The following DHRS9 variants were observed in gnomAD, a reference collection of about 807,000 sequenced individuals.
DHRS9 encodes the protein dehydrogenase/reductase SDR family member 9.
Under a neutral mutation model 26.6 loss-of-function variants are expected in DHRS9, and 18 were observed. The ratio of observed to expected loss-of-function variants is 0.68; its 90% CI spans 0.47 to 1.00. The LOEUF (loss-of-function observed/expected upper bound fraction) is 1.00. Ranked by LOEUF, DHRS9 falls within the 50% of genes least tolerant of loss-of-function variation. The pLI is 0.00. For missense variants in DHRS9, 425 were observed against 378.7 expected (o/e 1.12, Z -1.01); for synonymous variants, 134 against 141.1 (o/e 0.95, Z 0.36).
intron 3 of DHRS9, among the ~76,000 whole-genome samples, chr2:169,084,721 C>G (rs1331030555): frequency 6.6e-6 from 1 of 152,054 alleles, no homozygotes; most frequent in African/African-American, 2.4e-5. Flanking sequence ...CTTATATATT[C>G]TGATTTTTAA....
In DHRS9 at chr2:169,083,412, C is replaced by G; in HGVS notation, c.397C>G (p.Pro133Ala). 6.2e-7 allele frequency: 1 copy of G among 1,614,092 alleles called. No homozygotes were observed. Among genetic ancestry groups the G allele is most frequent in the South Asian group, 1.1e-5 (1 of 91,076 alleles). The change falls in exon 3 of 5, where the codon CCT becomes GCT. Residue 133 changes from proline to alanine, a missense_variant. Pro to Ala is a conservative substitution (Grantham distance 27). Transcript: ENST00000674881. ...GCTGACACTAGAGGACTACAGAGAACCTATTGAAGTGAACCTGTTTGGACT... is the reference window on the plus strand; with the variant it reads ...GCTGACACTAGAGGACTACAGAGAAGCTATTGAAGTGAACCTGTTTGGACT... ...DWLTLEDYREPIEVNLFGLIS... is the reference protein window; with the variant it reads ...DWLTLEDYREAIEVNLFGLIS...
chr2:169,091,711 G>A (rs531333026), intron 3 of DHRS9, 79 bp from the exon 4 acceptor site: 48 of 1,410,244 alleles, frequency 3.4e-5, no homozygotes, highest in African/African-American at 2.9e-4. Flanking sequence ...GAAAAGATTC[G>A]TGAGAAAATA....
rs12466170 is a variant in DHRS9 at position 169,094,625 on chromosome 2, T to A, written c.737-919T>A. On this transcript the variant is annotated intron_variant, in intron 4 of 4. Transcript: ENST00000674881. ...TGAACTCCCTGGGATCAAGTGATCT[T>A]CCCACCTCAGCCTCCCAAAGTGCTG... is the stretch of plus-strand genomic sequence containing the variant. Among the ~76,000 whole-genome samples, 1,276 of 151,960 alleles carry A rather than the reference T, an allele frequency of 8.4e-3. 46 individuals carry two copies. The East Asian group carries it at 0.13, about 15-fold the overall frequency.
chr2:169,070,408 T>A, intron 1 of DHRS9: 1 of 985,432 alleles, frequency 1.0e-6, no homozygotes, highest in Non-Finnish European at 1.2e-6. Flanking sequence ...TGTGCTTCAA[T>A]AAATACATTT....
chr2:169,093,767 T>A (rs987887038), intron 4 of DHRS9, among the ~76,000 whole-genome samples: 8 of 152,136 alleles, frequency 5.3e-5, no homozygotes, highest in Non-Finnish European at 1.0e-4. Context: ...AAAGTCACGG[T>A]CCCAAAGTAG....
In DHRS9 at chr2:169,075,637, A is replaced by G. The variant is rs142905154; in HGVS notation, c.-59-5886A>G. Among the ~76,000 whole-genome samples the G allele has an allele frequency of 1.4e-3, 212 of 152,190 alleles. 1 individual carries two copies. The highest frequency in any genetic ancestry group is 4.9e-3 in the African/African-American group (202 of 41,536). On this transcript the variant is annotated intron_variant, in intron 1 of 4. Coordinates refer to ENST00000674881, the MANE Select transcript of DHRS9 (RefSeq NM_001376924.1). ...ATTTTGATCCAGGATCACATATTGC[A>G]TTTGGTTGTTGTATCTCGTTGGTCT...
chr2:169,067,383 T>G, upstream of DHRS9: 1 of 1,420,748 alleles, frequency 7.0e-7, no homozygotes, highest in Non-Finnish European at 9.3e-7. Context: ...GCCTCAGATC[T>G]GAGTTTCCTC....
chr2:169,079,894 A>AGAGAGAGAGAGAGG (rs1558951396), intron 1 of DHRS9, among the ~76,000 whole-genome samples: 2 of 86,332 alleles, frequency 2.3e-5, no homozygotes, highest in East Asian at 4.5e-4. Flanking sequence ...AGAGAGAGAG[A>AGAGAGAGAGAGAGG]GAGGGAGGGA....
chr2:169,083,671 C>T lies in DHRS9; in HGVS notation c.572+84C>T. On this transcript the variant is annotated intron_variant, in intron 3 of 4. Transcript: ENST00000674881. The stretch of plus-strand genomic sequence containing the variant: ...TATGTACAAGACATCCTATTTAGTA[C>T]CTTTCAAAAAGTCTACCATATTTAT... 1.4e-6 allele frequency: 2 copies of T among 1,474,042 alleles called. 1 individual carries two copies. The highest frequency in any genetic ancestry group is 4.3e-5 in the Admixed American group (2 of 46,690). The allele number at this position is 1,474,042 out of a possible 1,614,324, so 91.3% of individuals were successfully genotyped here. A position where few individuals can be genotyped will look rare whatever the true frequency, so the allele number is the denominator to read the frequency against.
intron 3 of DHRS9, 83 bp downstream of exon 3, chr2:169,083,670 A>G: frequency 6.7e-7 from 1 of 1,483,072 alleles, no homozygotes; most frequent in Non-Finnish European, 9.0e-7. Context: ...CCTATTTAGT[A>G]CCTTTCAAAA....
chr2:169,088,191 G>A (rs191601422), intron 3 of DHRS9, among the ~76,000 whole-genome samples: 30 of 152,306 alleles, frequency 2.0e-4, no homozygotes, highest in African/African-American at 6.7e-4. Flanking sequence ...TTCCTCCTCC[G>A]GCTAGGGCTG....
chr2:169,083,691 A>C, intron 3 of DHRS9, 104 bp downstream of exon 3: 1 of 1,359,684 alleles, frequency 7.4e-7, no homozygotes, highest in South Asian at 1.5e-5. Context: ...AGTCTACCAT[A>C]TTTATCTCTA....
chr2:169,095,520 A>T, intron 4 of DHRS9, 24 bp from the exon 5 acceptor site: 1 of 1,584,294 alleles, frequency 6.3e-7, no homozygotes, highest in Non-Finnish European at 8.7e-7. Context: ...ACCAAAGAGT[A>T]AATGTACTTT....
intron 1 of DHRS9, among the ~76,000 whole-genome samples, chr2:169,079,976 AGAGAGAG>A (rs1684118168): frequency 1.7e-5 from 2 of 116,422 alleles, no homozygotes; most frequent in Admixed American, 1.9e-4. Flanking sequence ...AGAGAGAGAG[AGAGAGAG>A]AGAAAGAAAG....
At chr2:169,088,944 C>T (rs1684435735) in intron 3 of DHRS9, among the ~76,000 whole-genome samples, 1 of 152,184 alleles carries the variant, frequency 6.6e-6, no homozygotes, top group East Asian at 1.9e-4. Context: ...GCTGTCCAAG[C>T]TTTATAGCTT....
upstream of DHRS9, chr2:169,067,267 A>G (rs963002494): frequency 2.0e-6 from 3 of 1,535,202 alleles, no homozygotes; most frequent in African/African-American, 4.1e-5. Flanking sequence ...TGCACACTGG[A>G]GTAAGTGCTT....
Position 169,081,759 on chromosome 2 carries a change from T to G in DHRS9, c.178T>G (p.Cys60Gly), listed in dbSNP as rs1446684487. 6.2e-7 allele frequency: 1 copy of G among 1,614,196 alleles called. No individual in the cohort carries two copies. The highest frequency in any genetic ancestry group is 1.3e-5 in the African/African-American group (1 of 75,054). ...AAAGGGATTTCATGTAATCGCTGCC[T>G]GTCTGACTGAATCAGGATCAACAGC... Reference protein sequence around the residue: ...DKKGFHVIAACLTESGSTALK... With the variant: ...DKKGFHVIAAGLTESGSTALK... Residue 60 changes from cysteine to glycine, a missense_variant, in exon 2 of 5, where the codon TGT (cysteine) becomes GGT (glycine). Coordinates refer to ENST00000674881, the MANE Select transcript of DHRS9 (RefSeq NM_001376924.1).
chr2:169,072,069 AG>A (rs1309479957), intron 1 of DHRS9, among the ~76,000 whole-genome samples: 1 of 151,846 alleles, frequency 6.6e-6, no homozygotes, highest in African/African-American at 2.4e-5. Context: ...TTCAATGAAA[AG>A]GAAAAAATGA....
Position 169,095,602 on chromosome 2 carries a change from A to G in DHRS9, c.795A>G (p.Val265=), listed in dbSNP as rs375702402. The G allele has an allele frequency of 2.5e-4, 408 of 1,613,846 alleles. No individual in the cohort carries two copies. The highest frequency in any genetic ancestry group is 3.4e-4 in the Non-Finnish European group (398 of 1,179,912). The change falls in exon 5 of 5, where the codon GTA becomes GTG. Residue 265 remains valine (V), a synonymous_variant. Coordinates refer to ENST00000674881, the MANE Select transcript of DHRS9 (RefSeq NM_001376924.1). Reference sequence around the variant, plus strand: ...TGAACATGGACCTCTCTCCGGTGGTAGAGTGCATGGACCACGCTCTAACAA... The same window carrying G: ...TGAACATGGACCTCTCTCCGGTGGTGGAGTGCATGGACCACGCTCTAACAA... The part of the protein sequence containing the change: ...SYVNMDLSPV[V]ECMDHALTSL...
Sources: gnomAD v4.1 joint callset for allele counts (sites outside exome capture counted in the v4.1 genomes callset) on GRCh38, gnomAD v4.1.1 for gene constraint, MANE v1.5 for transcripts, NCBI Gene and HGNC (gene_info 2026-07-23, HGNC 2026-07-21) for gene names.